MAGI3: variants seen among roughly 807,000 people sequenced by gnomAD.
MAGI3 encodes the protein membrane-associated guanylate kinase, WW and PDZ domain-containing protein 3.
Under a neutral mutation model 121.8 loss-of-function variants are expected in MAGI3, and 43 were observed. The observed-to-expected ratio is 0.35, with a 90% CI of 0.28 to 0.46. The LOEUF (loss-of-function observed/expected upper bound fraction) is 0.46, where lower values mean the gene tolerates loss of function less well. Among genes scored for constraint, MAGI3 ranks in the 20% least tolerant of loss-of-function variants. The pLI, the probability that MAGI3 is intolerant of heterozygous loss-of-function variation, is 1.00. For missense variants in MAGI3, 1,547 were observed against 1,797.3 expected (o/e 0.86, Z 2.52); for synonymous variants, 553 against 639.3 (o/e 0.86, Z 2.04).
intron 1 of MAGI3, among the ~76,000 whole-genome samples, chr1:113,419,828 G>A (rs889106372): frequency 4.6e-5 from 7 of 152,138 alleles, no homozygotes; most frequent in African/African-American, 1.4e-4. Context: ...TTCTGGAGGC[G>A]CTAGGGAAGA....
At chr1:113,431,814 G>T (rs1300589762) in intron 1 of MAGI3, among the ~76,000 whole-genome samples, 6 of 152,014 alleles carry the variant, frequency 3.9e-5, no homozygotes. Context: ...GCAATTTCAT[G>T]CAAAAATTCC....
chr1:113,437,868 T>TCTC (rs1557757121), intron 1 of MAGI3, among the ~76,000 whole-genome samples: 102 of 13,924 alleles, frequency 7.3e-3, no homozygotes, highest in East Asian at 0.024. Context: ...TTCTTCCTCT[T>TCTC]CTTCTTCTTC....
intron 2 of MAGI3, among the ~76,000 whole-genome samples, chr1:113,564,279 G>GCATCA (rs1292665023): frequency 1.3e-5 from 2 of 152,294 alleles, no homozygotes; most frequent in Non-Finnish European, 2.9e-5. Flanking sequence ...AGAAGCCATG[G>GCATCA]CATCACAATT....
chr1:113,548,264 A>G (rs1480103576), intron 1 of MAGI3, among the ~76,000 whole-genome samples: 1 of 152,250 alleles, frequency 6.6e-6, no homozygotes, highest in Non-Finnish European at 1.5e-5. Context: ...AGCCTTGTCT[A>G]ATGAACAATG....
intron 16 of MAGI3, among the ~76,000 whole-genome samples, chr1:113,664,381 A>G (rs1653929848): frequency 6.6e-6 from 1 of 152,178 alleles, no homozygotes; most frequent in African/African-American, 2.4e-5. Context: ...ATTGCCTACA[A>G]CACTACAGTA....
chr1:113,414,951 A>G (rs1481293795), intron 1 of MAGI3, among the ~76,000 whole-genome samples: 1 of 152,084 alleles, frequency 6.6e-6, no homozygotes, highest in East Asian at 1.9e-4. Flanking sequence ...CTGTAACACT[A>G]ATTCCAATTA....
chr1:113,565,586 C>A lies in MAGI3; in HGVS notation c.434-14956C>A, dbSNP rs143002854. On this transcript the variant is annotated intron_variant, in intron 2 of 20. Coordinates refer to ENST00000307546, the MANE Select transcript of MAGI3 (RefSeq NM_001142782.2). ...ATATTATTGGATAGTATTCAAATAACCTAACATTTAGATTTCTGAGCATGG... is the reference window on the plus strand; with the variant it reads ...ATATTATTGGATAGTATTCAAATAAACTAACATTTAGATTTCTGAGCATGG... 5.3e-3 allele frequency among the ~76,000 whole-genome samples: 808 copies of A among 152,150 alleles called. 4 individuals are homozygous for A. The highest frequency in any genetic ancestry group is 0.019 in the African/African-American group (778 of 41,498).
At chr1:113,622,166 A>G (rs1230768302) in intron 8 of MAGI3, among the ~76,000 whole-genome samples, 2 of 152,210 alleles carry the variant, frequency 1.3e-5, no homozygotes, top group Admixed American at 1.3e-4. Flanking sequence ...TTTACAGTTA[A>G]TTTAATACTT....
chr1:113,539,797 T>C (rs1659193109), intron 1 of MAGI3, among the ~76,000 whole-genome samples: 1 of 151,962 alleles, frequency 6.6e-6, no homozygotes, highest in African/African-American at 2.4e-5. Context: ...TTACTTTTTT[T>C]TTTTTTTTTG....
chr1:113,460,653 C>CA (rs1388813348), intron 1 of MAGI3, among the ~76,000 whole-genome samples: 1 of 151,784 alleles, frequency 6.6e-6, no homozygotes, highest in South Asian at 2.1e-4. Flanking sequence ...ACTAAAAATA[C>CA]AAAAAATTAG....
intron 1 of MAGI3, among the ~76,000 whole-genome samples, chr1:113,392,437 GA>G (rs1214575538): frequency 2.0e-5 from 3 of 152,166 alleles, no homozygotes; most frequent in Admixed American, 6.5e-5. Flanking sequence ...GAAAATTCTG[GA>G]TAAAAATTTA....
rs1307320831 is a variant in MAGI3 at position 113,684,292 on chromosome 1, T to G, written c.*278T>G. ...TGCCCAGCTCGTCTTCATGAGTGTC[T>G]GAACAAATGACATATGTTGATATTA... On this transcript the variant is annotated 3_prime_UTR_variant, in exon 21 of 21. Coordinates refer to ENST00000307546, the MANE Select transcript of MAGI3 (RefSeq NM_001142782.2). The G allele has an allele frequency of 3.8e-6, 1 of 263,378 alleles. No individual in the cohort carries two copies. The highest frequency in any genetic ancestry group is 4.8e-5 in the Admixed American group (1 of 20,818). 16.3% of individuals were successfully genotyped at this position (263,378 alleles called of 1,614,324 possible). A position where few individuals can be genotyped will look rare whatever the true frequency, so the allele number is the denominator to read the frequency against.
chr1:113,633,507 C>T (rs1214147175), intron 9 of MAGI3, among the ~76,000 whole-genome samples: 2 of 151,786 alleles, frequency 1.3e-5, no homozygotes, highest in Admixed American at 6.6e-5. Flanking sequence ...GTGATCCGCC[C>T]GCCTCGGCCT....
chr1:113,680,705 C>G (rs1020647849), intron 19 of MAGI3, among the ~76,000 whole-genome samples: 1 of 151,986 alleles, frequency 6.6e-6, no homozygotes, highest in Non-Finnish European at 1.5e-5. Context: ...TGCAGTGAGC[C>G]GAGGTCTCGC....
At position 113,628,104 on chromosome 1, in the gene MAGI3, T is replaced by A. The variant is rs2101798047; in HGVS notation, c.1360+5110T>A. ...GTTTTGTGATTGTCTCTTCCTTATT[T>A]CCTTCCTTCCTTTTAGTGAAGGTGA... On this transcript the variant is annotated intron_variant, in intron 9 of 20. Coordinates refer to ENST00000307546, the MANE Select transcript of MAGI3 (RefSeq NM_001142782.2). 1.3e-5 allele frequency among the ~76,000 whole-genome samples: 2 copies of A among 152,270 alleles called. 1 individual carries two copies. Among genetic ancestry groups the A allele is most frequent in the Middle Eastern group, 6.8e-3 (2 of 294 alleles).
intron 9 of MAGI3, among the ~76,000 whole-genome samples, chr1:113,634,923 T>C (rs975500797): frequency 2.4e-4 from 36 of 152,280 alleles, no homozygotes; most frequent in African/African-American, 7.5e-4. Context: ...CAGTGGTTTG[T>C]AGTTCTCCTT....
intron 2 of MAGI3, among the ~76,000 whole-genome samples, chr1:113,559,567 C>CTTTTTT (rs200737453): frequency 2.7e-5 from 4 of 150,598 alleles, no homozygotes; most frequent in Admixed American, 6.6e-5. Context: ...CATAAAGTTC[C>CTTTTTT]TTTTTTTTGT....
intron 7 of MAGI3, among the ~76,000 whole-genome samples, chr1:113,618,986 C>A (rs1179818863): frequency 1.3e-5 from 2 of 152,168 alleles, no homozygotes; most frequent in Non-Finnish European, 2.9e-5. Flanking sequence ...GAATAGTGCT[C>A]TTTTTCTTCT....
At chr1:113,496,127 T>G (rs1656906248) in intron 1 of MAGI3, among the ~76,000 whole-genome samples, 1 of 152,210 alleles carries the variant, frequency 6.6e-6, no homozygotes, top group Admixed American at 6.5e-5. Flanking sequence ...TTAATTTGCT[T>G]CTTTTTTGCT....
Sources: gnomAD v4.1 joint callset for allele counts (sites outside exome capture counted in the v4.1 genomes callset) on GRCh38, gnomAD v4.1.1 for gene constraint, MANE v1.5 for transcripts, NCBI Gene and HGNC (gene_info 2026-07-23, HGNC 2026-07-21) for gene names.